Variants in INCENP observed in about 807,000 individuals in gnomAD.
The protein encoded by INCENP is binds and activates aurora-B and -C in vivo and in vitro.
INCENP carries 43 observed loss-of-function variants against 107.3 expected under a neutral mutation model. The ratio of observed to expected loss-of-function variants is 0.40; its 90% confidence interval spans 0.31 to 0.52. The LOEUF is 0.52. Ranked by LOEUF, INCENP falls within the 20% of genes least tolerant of loss-of-function variation. The probability of loss-of-function intolerance (pLI) is 0.53; values close to 1 mark genes in which losing one functional copy is unlikely to be tolerated. For synonymous variants in INCENP, 488 were observed against 494.4 expected (o/e 0.99, Z 0.17); for missense variants, 1,089 against 1,250.9 (o/e 0.87, Z 1.95).
At position 62,141,016 on chromosome 11, in the gene INCENP, G is replaced by A. The variant is rs1244205548; in HGVS notation, c.1565G>A (p.Arg522His). The A allele has an allele frequency of 4.3e-6, 7 of 1,613,846 alleles. No homozygotes were observed. Among genetic ancestry groups the A allele is most frequent in the East Asian group, 2.2e-5 (1 of 44,862 alleles). ...PRSVMKSFIK[R>H]NTPLRMDPKC... ...AGCGTCATGAAGTCCTTTATTAAGCGCAACACTCCCCTGCGCATGGACCCC... is the reference window on the plus strand; with the variant it reads ...AGCGTCATGAAGTCCTTTATTAAGCACAACACTCCCCTGCGCATGGACCCC... The change falls in exon 10 of 19, where the codon CGC becomes CAC. Residue 522 changes from arginine (R) to histidine (H), a missense_variant. By Grantham distance (29) the Arg-to-His change is conservative. Transcript: ENST00000394818.
Position 62,146,837 on chromosome 11 carries a change from CGAGCAGGAGCGACAGCTGGCA to C in INCENP, c.2151_2171del (p.Gln718_Arg724del), listed in dbSNP as rs1565101866. ...AGGAGCGGCGGGAGCAGGAGCGGCGCGAGCAGGAGCGACAGCTGGCAGAGCAGGAGCGTCGGCGGGAGCAGG... is the reference window on the plus strand; with the variant it reads ...AGGAGCGGCGGGAGCAGGAGCGGCGCGAGCAGGAGCGTCGGCGGGAGCAGG... On this transcript the variant is annotated inframe_deletion, in exon 15 of 19. Coordinates refer to ENST00000394818, the MANE Select transcript of INCENP (RefSeq NM_001040694.2). The C allele has an allele frequency of 3.3e-5, 51 of 1,541,600 alleles. No homozygotes were observed. Among genetic ancestry groups the C allele is most frequent in the East Asian group, 4.8e-5 (2 of 41,374 alleles).
chr11:62,152,037 C>A lies in INCENP; in HGVS notation c.*61C>A. On this transcript the variant is annotated 3_prime_UTR_variant, in exon 19 of 19. Coordinates refer to ENST00000394818, the MANE Select transcript of INCENP (RefSeq NM_001040694.2). The stretch of plus-strand genomic sequence containing the variant: ...TGTCCATGTCTATCTGTCTGTCTGT[C>A]GGTCTCTGTCTTGGTCTGTTGCCCT... 1 of 1,345,076 alleles carries A rather than the reference C, an allele frequency of 7.4e-7. No individual in the cohort carries two copies. The highest frequency in any genetic ancestry group is 1.0e-6 in the Non-Finnish European group (1 of 965,314). The allele number at this position is 1,345,076 out of a possible 1,614,324, so 83.3% of individuals were successfully genotyped here. A position where few individuals can be genotyped will look rare whatever the true frequency, so the allele number is the denominator to read the frequency against.
chr11:62,147,557 G>T (rs1944278414), intron 15 of INCENP, among the ~76,000 whole-genome samples: 1 of 152,238 alleles, frequency 6.6e-6, no homozygotes, highest in South Asian at 2.1e-4. Flanking sequence ...ATGGGATCCT[G>T]TGTCTGTGTG....
rs1271999395 is a variant in INCENP, at chr11:62,130,604, C to T, written c.1063+14C>T. The T allele has an allele frequency of 1.9e-6, 3 of 1,600,628 alleles. No individual in the cohort carries two copies. Among genetic ancestry groups the T allele is most frequent in the South Asian group, 1.1e-5 (1 of 88,906 alleles). ...GCCGCATCATCTGTGAGTCTGGGGG[C>T]TTGGCAGTGGCGGGTGGTCCTTGGT... On this transcript the variant is annotated intron_variant, in intron 4 of 18. Transcript: ENST00000394818.
chr11:62,148,719 C>T lies in INCENP; in HGVS notation c.2284-20C>T, dbSNP rs1944310188. Reference sequence around the variant, plus strand: ...GCACCTGCACAGCTCCCTAACACCCCATTGCCACCTGGGTTCCAGGAAGAG... The same window carrying T: ...GCACCTGCACAGCTCCCTAACACCCTATTGCCACCTGGGTTCCAGGAAGAG... On this transcript the variant is annotated intron_variant, in intron 16 of 18. Coordinates refer to ENST00000394818, the MANE Select transcript of INCENP (RefSeq NM_001040694.2). 1.9e-6 allele frequency: 3 copies of T among 1,560,066 alleles called. No homozygotes were observed. Among genetic ancestry groups the T allele is most frequent in the South Asian group, 2.4e-5 (2 of 81,690 alleles).
At chr11:62,129,652 G>C (rs1394799327) in intron 3 of INCENP, 130 bp from the exon 4 acceptor site, 1 of 731,004 alleles carries the variant, frequency 1.4e-6, no homozygotes, top group Non-Finnish European at 2.2e-6. Context: ...GGCAGAATCT[G>C]GCCTGGAACC....
At position 62,148,380 on chromosome 11, in the gene INCENP, C is replaced by T. The variant is rs1590629397; in HGVS notation, c.2205-96C>T. ...AGCAATCCCACTTTCTAAGGTGTGT[C>T]CTACTGGCTGGGCCTGGTTTCCCCA... is the stretch of plus-strand genomic sequence containing the variant. On this transcript the variant is annotated intron_variant, in intron 15 of 18. Transcript: ENST00000394818. 8.8e-6 allele frequency: 10 copies of T among 1,131,834 alleles called. No individual in the cohort carries two copies. In the African/African-American group the frequency reaches 9.3e-5, roughly 11 times the overall value. 70.1% of individuals were successfully genotyped at this position (1,131,834 alleles called of 1,614,324 possible).
chr11:62,130,258 A>G lies in INCENP; in HGVS notation c.731A>G (p.Lys244Arg), dbSNP rs1943857315. ...SSLMATPQDP[K>R]GQGVGTGRSA... is the part of the protein sequence containing the mutation. ...CTGATGGCTACACCCCAGGACCCCAAGGGTCAAGGGGTCGGGACGGGGCGG... is the reference window on the plus strand; with the variant it reads ...CTGATGGCTACACCCCAGGACCCCAGGGGTCAAGGGGTCGGGACGGGGCGG... The change falls in exon 4 of 19, where the codon AAG becomes AGG. Residue 244 changes from lysine (K) to arginine (R), a missense_variant. Lys to Arg is a conservative substitution (Grantham distance 26, BLOSUM62 2). Transcript: ENST00000394818. The G allele has an allele frequency of 3.7e-6, 6 of 1,613,248 alleles. No homozygotes were observed. Among genetic ancestry groups the G allele is most frequent in the Non-Finnish European group, 4.2e-6 (5 of 1,179,938 alleles).
At chr11:62,138,825 C>T in intron 6 of INCENP, 55 bp downstream of exon 6, 1 of 1,606,858 alleles carries the variant, frequency 6.2e-7, no homozygotes, top group Non-Finnish European at 8.5e-7. Context: ...CCGCTCTGCA[C>T]TACGGCCATC....
At chr11:62,141,968 C>T (rs1944134564) in intron 11 of INCENP, among the ~76,000 whole-genome samples, 1 of 152,186 alleles carries the variant, frequency 6.6e-6, no homozygotes, top group Non-Finnish European at 1.5e-5. Context: ...TGGGTCTGAA[C>T]TGAGGTGGAA....
Position 62,129,878 on chromosome 11 carries a change from C to G in INCENP, c.351C>G (p.Asn117Lys), listed in dbSNP as rs754070097. The change falls in exon 4 of 19, where the codon AAC (asparagine) becomes AAG (lysine). Residue 117 changes from asparagine (N) to lysine (K), a missense_variant. Asn to Lys is a moderately conservative substitution (Grantham distance 94, BLOSUM62 0). Transcript: ENST00000394818. ...VEKLATVVGE[N>K]GSVLRRVTRA... is the part of the protein sequence containing the mutation. ...AGCTGGCTACAGTGGTCGGGGAGAA[C>G]GGCTCCGTCCTGCGGCGTGTGACCC... 6.2e-7 allele frequency: 1 copy of G among 1,613,488 alleles called. No homozygotes were observed. The highest frequency in any genetic ancestry group is 8.5e-7 in the Non-Finnish European group (1 of 1,180,016).
In INCENP at chr11:62,140,810, C is replaced by G; in HGVS notation, c.1450C>G (p.Pro484Ala). 1 of 1,613,356 alleles carries G rather than the reference C, an allele frequency of 6.2e-7. No homozygotes were observed. Among genetic ancestry groups the G allele is most frequent in the Non-Finnish European group, 8.5e-7 (1 of 1,179,870 alleles). ...GAGCAAGACCCCTTCCTCACCCTGC[C>G]CAGCCAGCAAGGTGAGCCAGGCACC... ...PRSKTPSSPC[P>A]ASKVVRPLRT... Residue 484 changes from proline (P) to alanine (A), a missense_variant, in exon 9 of 19, where the codon CCA becomes GCA. Physicochemically the swap from Pro to Ala is conservative, Grantham distance 27. Transcript: ENST00000394818.
intron 18 of INCENP, among the ~76,000 whole-genome samples, chr11:62,150,594 AG>A (rs1429532879): frequency 6.6e-6 from 1 of 152,206 alleles, no homozygotes; most frequent in Admixed American, 6.5e-5. Context: ...AGAATGGGGA[AG>A]GGTTTAGGCA....
intron 1 of INCENP, among the ~76,000 whole-genome samples, chr11:62,124,506 A>G (rs1239314143): frequency 6.6e-6 from 1 of 152,202 alleles, no homozygotes; most frequent in Non-Finnish European, 1.5e-5. Context: ...ATGATGCCAG[A>G]TGGCATTTCT....
rs778911724 is a variant in INCENP at position 62,141,014 on chromosome 11, G to A, written c.1563G>A (p.Lys521=). ...APRSVMKSFI[K]RNTPLRMDPK... ...GCAGCGTCATGAAGTCCTTTATTAAGCGCAACACTCCCCTGCGCATGGACC... is the reference window on the plus strand; with the variant it reads ...GCAGCGTCATGAAGTCCTTTATTAAACGCAACACTCCCCTGCGCATGGACC... The change falls in exon 10 of 19, where the codon AAG becomes AAA. Residue 521 remains lysine, a synonymous_variant. Transcript: ENST00000394818. 1 of 1,614,058 alleles carries A rather than the reference G, an allele frequency of 6.2e-7. No individual in the cohort carries two copies. Among genetic ancestry groups the A allele is most frequent in the East Asian group, 2.2e-5 (1 of 44,858 alleles).
At chr11:62,143,779 G>A (rs58261202) in intron 11 of INCENP, among the ~76,000 whole-genome samples, 27 of 152,324 alleles carry the variant, frequency 1.8e-4, no homozygotes, top group African/African-American at 6.3e-4. Flanking sequence ...GCCTAAAGGT[G>A]GGAGTCTACT....
intron 10 of INCENP, 86 bp downstream of exon 10, chr11:62,141,130 AGTG>A: frequency 6.6e-7 from 1 of 1,514,440 alleles, no homozygotes; most frequent in Non-Finnish European, 8.9e-7. Context: ...TACTGGGAGT[AGTG>A]TGAGCCTGGG....
rs551359704 is a variant in INCENP at position 62,130,635 on chromosome 11, G to C, written c.1063+45G>C. 1.7e-5 allele frequency: 26 copies of C among 1,539,474 alleles called. No homozygotes were observed. In the South Asian group the frequency reaches 2.7e-4, roughly 16 times the overall value. Reference sequence around the variant, plus strand: ...AGTGGCGGGTGGTCCTTGGTGCCAGGCTCAGATGGAGGCTTTCTGAGGGAT... The same window carrying C: ...AGTGGCGGGTGGTCCTTGGTGCCAGCCTCAGATGGAGGCTTTCTGAGGGAT... On this transcript the variant is annotated intron_variant, in intron 4 of 18. Coordinates refer to ENST00000394818, the MANE Select transcript of INCENP (RefSeq NM_001040694.2).
In INCENP at chr11:62,141,010, T is replaced by C; in HGVS notation, c.1559T>C (p.Ile520Thr). 1.2e-6 allele frequency: 2 copies of C among 1,614,000 alleles called. No homozygotes were observed. Among genetic ancestry groups the C allele is most frequent in the Non-Finnish European group, 1.7e-6 (2 of 1,179,964 alleles). The change falls in exon 10 of 19, where the codon ATT becomes ACT. Residue 520 changes from isoleucine to threonine, a missense_variant. Ile to Thr is a moderately conservative substitution (Grantham distance 89, BLOSUM62 -1). Transcript: ENST00000394818. Reference sequence around the variant, plus strand: ...CCACGCAGCGTCATGAAGTCCTTTATTAAGCGCAACACTCCCCTGCGCATG... The same window carrying C: ...CCACGCAGCGTCATGAAGTCCTTTACTAAGCGCAACACTCCCCTGCGCATG... ...SAPRSVMKSFIKRNTPLRMDP... is the reference protein window; with the variant it reads ...SAPRSVMKSFTKRNTPLRMDP...
Sources: allele counts gnomAD v4.1 joint callset (sites outside exome capture counted in the v4.1 genomes callset), GRCh38; gene constraint gnomAD v4.1.1; transcripts MANE v1.5; gene names NCBI Gene and HGNC (gene_info 2026-07-23, HGNC 2026-07-21).